The following AXDND1 variants were observed in gnomAD, a reference collection of about 807,000 sequenced individuals.
AXDND1 encodes axonemal dynein light chain domain-containing protein 1.
Under a neutral mutation model 137.5 loss-of-function variants are expected in AXDND1, and 110 were observed. That is an observed-to-expected ratio of 0.80 (90% CI 0.69 to 0.94). The LOEUF (loss-of-function observed/expected upper bound fraction) is 0.94, where lower values mean the gene tolerates loss of function less well. AXDND1 is among the 40% of genes least tolerant of loss of function. AXDND1 has a pLI of 0.00. For synonymous variants in AXDND1, 414 were observed against 399.7 expected, an observed-to-expected ratio of 1.04 and a Z score of -0.43; for missense variants, 1,191 against 1,169.8, an observed-to-expected ratio of 1.02 and a Z score of -0.26.
chr1:179,395,115 G>C lies in AXDND1; in HGVS notation c.1022G>C (p.Arg341Pro). 1.2e-6 allele frequency: 2 copies of C among 1,611,632 alleles called. No individual in the cohort carries two copies. The change falls in exon 11 of 26, where the codon CGG (arginine) becomes CCG (proline). Residue 341 changes from arginine to proline, a missense_variant. Physicochemically the swap from Arg to Pro is moderately radical, Grantham distance 103. Transcript: ENST00000367618. ...TATTTCAGGGAACTGTGTCTAGTTC[G>C]GGCACATGATGTGAAATTAACAAAG... ...EELTRELCLV[R>P]AHDVKLTKET...
chr1:179,435,144 A>G (rs576512750), intron 15 of AXDND1, among the ~76,000 whole-genome samples: 89 of 152,320 alleles, frequency 5.8e-4, no homozygotes, highest in Non-Finnish European at 1.0e-3. Flanking sequence ...AGGGATGCGA[A>G]GGACCTCTTC....
At chr1:179,428,954 A>G (rs6699903) in intron 12 of AXDND1, among the ~76,000 whole-genome samples, 132,755 of 151,968 alleles carry the variant, frequency 0.87, 58,120 homozygotes, top group East Asian at 0.9. Context: ...CGAGGCAGGC[A>G]GATCACGAGG....
intron 25 of AXDND1, chr1:179,551,311 C>T (rs1367106825): frequency 6.2e-7 from 1 of 1,613,948 alleles, no homozygotes; most frequent in Admixed American, 1.7e-5. Context: ...AAGGTAAAAC[C>T]ACAGTGGAAG....
Position 179,395,155 on chromosome 1 carries a change from C to T in AXDND1, c.1062C>T (p.Ala354=), listed in dbSNP as rs1371272266. 42 of 1,613,216 alleles carry T rather than the reference C, an allele frequency of 2.6e-5. No homozygotes were observed. The highest frequency in any genetic ancestry group is 3.6e-5 in the Non-Finnish European group (42 of 1,179,632). The change falls in exon 11 of 26, where the codon GCC becomes GCT. Residue 354 remains alanine (A), a synonymous_variant. Coordinates refer to ENST00000367618, the MANE Select transcript of AXDND1 (RefSeq NM_144696.6). ...DVKLTKETEK[A]HKDLAQALLN... ...AATTAACAAAGGAAACAGAAAAAGC[C>T]CACAAGGATTTGGCACAAGCTCTTT... is the stretch of plus-strand genomic sequence containing the variant.
At chr1:179,518,949 T>C (rs1669803790) in intron 21 of AXDND1, among the ~76,000 whole-genome samples, 1 of 152,196 alleles carries the variant, frequency 6.6e-6, no homozygotes, top group South Asian at 2.1e-4. Flanking sequence ...TCTTTAGATC[T>C]TTGAAGAATC....
intron 25 of AXDND1, chr1:179,551,038 T>C: frequency 9.7e-7 from 1 of 1,025,812 alleles, no homozygotes; most frequent in Admixed American, 2.0e-5. Context: ...GATGGTGCAT[T>C]GTGACTTCGT....
Position 179,393,958 on chromosome 1 carries a change from A to G in AXDND1, c.919A>G (p.Lys307Glu). 1.2e-6 allele frequency: 2 copies of G among 1,612,556 alleles called. No individual in the cohort carries two copies. The highest frequency in any genetic ancestry group is 1.7e-6 in the Non-Finnish European group (2 of 1,179,492). ...TGCTCGGCAGATGATTGATTTCTACAAAGACTTGGTAACTCAGCGAGTGAT... is the reference window on the plus strand; with the variant it reads ...TGCTCGGCAGATGATTGATTTCTACGAAGACTTGGTAACTCAGCGAGTGAT... ...QIARQMIDFY[K>E]DLVTQRVMDQ... Residue 307 changes from lysine (K) to glutamate (E), a missense_variant, in exon 10 of 26, where the codon AAA becomes GAA. Lys to Glu is a moderately conservative substitution (Grantham distance 56, BLOSUM62 1). Coordinates refer to ENST00000367618, the MANE Select transcript of AXDND1 (RefSeq NM_144696.6).
chr1:179,402,127 A>G (rs983644789), intron 11 of AXDND1, among the ~76,000 whole-genome samples: 2 of 147,246 alleles, frequency 1.4e-5, no homozygotes, highest in African/African-American at 5.0e-5. Flanking sequence ...AGCCGACATC[A>G]TGCACTCCAG....
In AXDND1 at chr1:179,383,460, A is replaced by C; in HGVS notation, c.657A>C (p.Val219=). ...LFPSMKPNKR[V]EVAQLNDVMD... Reference sequence around the variant, plus strand: ...TTTTTAGGAAACCTAATAAAAGAGTAGAAGTGGCCCAGCTGAATGATGTGA... The same window carrying C: ...TTTTTAGGAAACCTAATAAAAGAGTCGAAGTGGCCCAGCTGAATGATGTGA... Residue 219 remains valine (V), a synonymous_variant, in exon 8 of 26, where the codon GTA becomes GTC. Transcript: ENST00000367618. 1 of 1,613,796 alleles carries C rather than the reference A, an allele frequency of 6.2e-7. No individual in the cohort carries two copies. Among genetic ancestry groups the C allele is most frequent in the Non-Finnish European group, 8.5e-7 (1 of 1,179,698 alleles).
intron 11 of AXDND1, among the ~76,000 whole-genome samples, chr1:179,405,074 GC>G (rs1231918754): frequency 2.0e-5 from 3 of 150,972 alleles, no homozygotes; most frequent in East Asian, 3.9e-4. Context: ...CCCTCCCCTT[GC>G]CCCCCAACCC....
chr1:179,519,326 C>T (rs1169990217), intron 21 of AXDND1, among the ~76,000 whole-genome samples: 2 of 152,174 alleles, frequency 1.3e-5, no homozygotes, highest in African/African-American at 2.4e-5. Context: ...TTCTCCCATT[C>T]TGTAGGTTGT....
At chr1:179,551,255 G>A (rs767997664) in intron 25 of AXDND1, 1 of 1,614,124 alleles carries the variant, frequency 6.2e-7, no homozygotes, top group Non-Finnish European at 8.5e-7. Flanking sequence ...GCTTCCCTGA[G>A]TTCTGTTGCT....
intron 16 of AXDND1, among the ~76,000 whole-genome samples, chr1:179,458,109 C>CGA (rs1661685440): frequency 6.6e-6 from 1 of 151,900 alleles, no homozygotes; most frequent in African/African-American, 2.4e-5. Context: ...CCCACCTCAG[C>CGA]CTCTCAGGTA....
At chr1:179,394,710 G>A (rs1360681563) in intron 10 of AXDND1, among the ~76,000 whole-genome samples, 1 of 152,174 alleles carries the variant, frequency 6.6e-6, no homozygotes, top group East Asian at 1.9e-4. Flanking sequence ...GTATCATATA[G>A]CCATCAAAGT....
chr1:179,459,395 G>T (rs1661888971), intron 16 of AXDND1, among the ~76,000 whole-genome samples: 1 of 151,914 alleles, frequency 6.6e-6, no homozygotes, highest in African/African-American at 2.4e-5. Context: ...TTAATACATA[G>T]GATAAGATAA....
At chr1:179,464,520 C>T (rs561658631) in intron 16 of AXDND1, among the ~76,000 whole-genome samples, 15 of 152,212 alleles carry the variant, frequency 9.9e-5, no homozygotes, top group East Asian at 5.8e-4. Flanking sequence ...GTGAGTAACC[C>T]GACTTTTCTC....
intron 22 of AXDND1, among the ~76,000 whole-genome samples, chr1:179,526,332 T>C (rs1670527273): frequency 6.6e-6 from 1 of 152,154 alleles, no homozygotes; most frequent in Admixed American, 6.5e-5. Context: ...GCACATATTA[T>C]CTCTTATCTA....
At chr1:179,475,235 G>C (rs894003246) in intron 17 of AXDND1, among the ~76,000 whole-genome samples, 2 of 152,240 alleles carry the variant, frequency 1.3e-5, no homozygotes, top group Non-Finnish European at 2.9e-5. Context: ...CCCTACTGGA[G>C]CACTGCCTAG....
chr1:179,449,988 A>ATTCTTTTTTTTT lies in AXDND1; in HGVS notation c.1798+4786_1798+4787insCTTTTTTTTTTT, dbSNP rs1571882821. On this transcript the variant is annotated intron_variant, in intron 16 of 25. Coordinates refer to ENST00000367618, the MANE Select transcript of AXDND1 (RefSeq NM_144696.6). ...TTTTACTAGTTTCTTGCCAATCTGG[A>ATTCTTTTTTTTT]TTTTTTTTTTTTTTTTTTTTTTTTT... 20 of 65,356 alleles carry ATTCTTTTTTTTT rather than the reference A, an allele frequency of 3.1e-4. 2 individuals are homozygous for ATTCTTTTTTTTT. Among genetic ancestry groups the ATTCTTTTTTTTT allele is most frequent in the Non-Finnish European group, 3.9e-4 (14 of 36,182 alleles). The allele number at this position is 65,356 out of a possible 1,614,324, so 4.0% of individuals were successfully genotyped here.
Sources: gnomAD v4.1 joint callset for allele counts (sites outside exome capture counted in the v4.1 genomes callset) on GRCh38, gnomAD v4.1.1 for gene constraint, MANE v1.5 for transcripts, NCBI Gene and HGNC (gene_info 2026-07-23, HGNC 2026-07-21) for gene names.